Variants in USP44 observed in about 807,000 individuals in gnomAD.
The protein encoded by USP44 is ubiquitin carboxyl-terminal hydrolase 44.
USP44 carries 61 observed loss-of-function variants against 69.0 expected under a neutral mutation model. That is an observed-to-expected ratio of 0.88 (90% CI 0.72 to 1.09). USP44 has a LOEUF of 1.09. Ranked by LOEUF, USP44 falls within the 50% of genes least tolerant of loss-of-function variation. USP44 has a pLI of 0.00. For missense variants in USP44, 753 were observed against 849.9 expected (o/e 0.89, Z 1.42); for synonymous variants, 297 against 295.4 (o/e 1.01, Z -0.06).
At chr12:95,541,152 G>A (rs2077376654) in intron 1 of USP44, among the ~76,000 whole-genome samples, 1 of 152,194 alleles carries the variant, frequency 6.6e-6, no homozygotes, top group South Asian at 2.1e-4. Context: ...GGTGGCAGGT[G>A]CCTGTAATCC....
intron 3 of USP44, 114 bp downstream of exon 3, chr12:95,528,693 A>C: frequency 9.3e-7 from 1 of 1,075,056 alleles, no homozygotes; most frequent in Non-Finnish European, 1.3e-6. Context: ...TCTTTTGATG[A>C]ACTGAAAAAA....
chr12:95,536,030 T>C (rs112115235), intron 1 of USP44, among the ~76,000 whole-genome samples: 13,128 of 127,574 alleles, frequency 0.1, 799 homozygotes, highest in African/African-American at 0.17. Flanking sequence ...CTTTCTTTCC[T>C]TTTTTTTCCT....
At chr12:95,542,838 C>T (rs1383545944) in intron 1 of USP44, among the ~76,000 whole-genome samples, 1 of 151,960 alleles carries the variant, frequency 6.6e-6, no homozygotes, top group Non-Finnish European at 1.5e-5. Flanking sequence ...CCTGTAATCC[C>T]AGCACTTTGG....
In USP44 at chr12:95,517,176, A is replaced by AAATC; in HGVS notation, c.*974_*977dup. On this transcript the variant is annotated 3_prime_UTR_variant, in exon 6 of 6. Coordinates refer to ENST00000258499, the MANE Select transcript of USP44 (RefSeq NM_032147.5). ...GTAGTCACATAATCCTAGCAAGAGT[A>AAATC]AATCAAGCTTTAGTTATTTAGAATG... 6.6e-6 allele frequency: 1 copy of AAATC among 151,878 alleles called. No individual in the cohort carries two copies. Among genetic ancestry groups the AAATC allele is most frequent in the East Asian group, 1.9e-4 (1 of 5,174 alleles). The allele number at this position is 151,878 out of a possible 1,614,324, so 9.4% of individuals were successfully genotyped here.
At chr12:95,526,276 T>TA (rs1373685203) in intron 3 of USP44, among the ~76,000 whole-genome samples, 23 of 152,272 alleles carry the variant, frequency 1.5e-4, no homozygotes, top group African/African-American at 4.1e-4. Flanking sequence ...ATTTATTTTT[T>TA]AAAAAAACCT....
intron 1 of USP44, among the ~76,000 whole-genome samples, chr12:95,550,327 TGTA>T (rs2077703343): frequency 1.3e-5 from 2 of 152,060 alleles, no homozygotes; most frequent in Admixed American, 6.6e-5. Context: ...CTGCATAAAA[TGTA>T]GTCATGCAAA....
chr12:95,522,831 A>G (rs530587128), intron 4 of USP44, among the ~76,000 whole-genome samples: 51 of 150,920 alleles, frequency 3.4e-4, no homozygotes, highest in Non-Finnish European at 6.3e-4. Context: ...TGAGACAACT[A>G]GTGGCTGGCA....
chr12:95,533,082 A>G lies in USP44; in HGVS notation c.1175T>C (p.Met392Thr). ...GACCAACGCCCACTTTCCAGACCACATGACTTGGAACAAAGTATGCAATTC... is the reference window on the plus strand; with the variant it reads ...GACCAACGCCCACTTTCCAGACCACGTGACTTGGAACAAAGTATGCAATTC... ...CHELHTLFQV[M>T]WSGKWALVSP... The change falls in exon 2 of 6, where the codon ATG becomes ACG. Residue 392 changes from methionine (M) to threonine (T), a missense_variant. By Grantham distance (81) the Met-to-Thr change is moderately conservative. Coordinates refer to ENST00000258499, the MANE Select transcript of USP44 (RefSeq NM_032147.5). The G allele has an allele frequency of 6.2e-7, 1 of 1,614,234 alleles. No homozygotes were observed. Among genetic ancestry groups the G allele is most frequent in the Non-Finnish European group, 8.5e-7 (1 of 1,180,038 alleles).
At chr12:95,540,518 T>G (rs1344268306) in intron 1 of USP44, among the ~76,000 whole-genome samples, 2 of 152,062 alleles carry the variant, frequency 1.3e-5, no homozygotes, top group Non-Finnish European at 2.9e-5. Flanking sequence ...AATTTTGTAT[T>G]TTTAGTACAG....
At chr12:95,547,895 G>C (rs1378136504) in intron 1 of USP44, 2 of 152,174 alleles carry the variant, frequency 1.3e-5, no homozygotes, top group Non-Finnish European at 2.9e-5. Flanking sequence ...GCTACCAGTA[G>C]AATTTAACAA....
intron 4 of USP44, chr12:95,521,982 G>A: frequency 1.1e-6 from 1 of 943,444 alleles, no homozygotes; most frequent in Non-Finnish European, 1.3e-6. Context: ...GTGTAAGTCA[G>A]CACAACCGCC....
At chr12:95,522,124 G>T in intron 4 of USP44, 1 of 985,072 alleles carries the variant, frequency 1.0e-6, no homozygotes, top group Non-Finnish European at 1.2e-6. Context: ...GGTGCTACGA[G>T]GGGAAAATAA....
intron 2 of USP44, among the ~76,000 whole-genome samples, chr12:95,530,302 C>A (rs945589420): frequency 1.3e-4 from 19 of 151,872 alleles, no homozygotes; most frequent in African/African-American, 3.1e-4. Flanking sequence ...ACAAAAAAAA[C>A]AAAAACAAAA....
At position 95,517,953 on chromosome 12, in the gene USP44, T is replaced by A. The variant is rs1325720962; in HGVS notation, c.*201A>T. 4.1e-6 allele frequency: 2 copies of A among 488,506 alleles called. No individual in the cohort carries two copies. The highest frequency in any genetic ancestry group is 7.4e-5 in the Admixed American group (2 of 27,164). The allele number at this position is 488,506 out of a possible 1,614,324, so 30.3% of individuals were successfully genotyped here. On this transcript the variant is annotated 3_prime_UTR_variant, in exon 6 of 6. Transcript: ENST00000258499. ...TCAGTCTGAGGTAAACACCAAAAGT[T>A]TAAAACTCCAAATATGAAAAAAGTA...
In USP44 at chr12:95,521,091, T is replaced by C. The variant is rs1420632692; in HGVS notation, c.1845A>G (p.Glu615=). The change falls in exon 5 of 6, where the codon GAA becomes GAG. Residue 615 remains glutamate (E), a synonymous_variant. Transcript: ENST00000258499. ...CCGCGGACAAGTCATAGATAAAGCATTCTGGTCTGAGGGATTTCAGGGTCT... is the reference window on the plus strand; with the variant it reads ...CCGCGGACAAGTCATAGATAAAGCACTCTGGTCTGAGGGATTTCAGGGTCT... ...CRETLKSLRP[E]CFIYDLSAVV... is the part of the protein sequence containing the mutation. 7 of 1,614,202 alleles carry C rather than the reference T, an allele frequency of 4.3e-6. No individual in the cohort carries two copies. The Admixed American group carries it at 6.7e-5, about 15-fold the overall frequency.
chr12:95,520,157 G>A (rs554639314), intron 5 of USP44, among the ~76,000 whole-genome samples: 3 of 151,296 alleles, frequency 2.0e-5, no homozygotes, highest in East Asian at 1.9e-4. Context: ...GGGTGGGGGT[G>A]GGGAGTTGGA....
chr12:95,543,986 AAAAG>A (rs2077485522), intron 1 of USP44, among the ~76,000 whole-genome samples: 4 of 146,424 alleles, frequency 2.7e-5, no homozygotes, highest in Non-Finnish European at 4.5e-5. Flanking sequence ...AAAAAAAAAA[AAAAG>A]AAAAAAACCC....
rs2076530762 is a variant in USP44, at chr12:95,518,074, A to T, written c.*80T>A. The T allele has an allele frequency of 6.7e-7, 1 of 1,491,326 alleles. No individual in the cohort carries two copies. 92.4% of individuals were successfully genotyped at this position (1,491,326 alleles called of 1,614,324 possible). A position where few individuals can be genotyped will look rare whatever the true frequency, so the allele number is the denominator to read the frequency against. On this transcript the variant is annotated 3_prime_UTR_variant, in exon 6 of 6. Coordinates refer to ENST00000258499, the MANE Select transcript of USP44 (RefSeq NM_032147.5). ...GTAGTATACACTGATTCACAAGAAA[A>T]AATGAAGTTTAAAATGGTACATCAG...
intron 1 of USP44, among the ~76,000 whole-genome samples, chr12:95,536,940 A>G (rs2077225063): frequency 6.6e-6 from 1 of 152,208 alleles, no homozygotes; most frequent in Non-Finnish European, 1.5e-5. Context: ...TACTTGCCCT[A>G]ATCATCCCCA....
Sources: gnomAD v4.1 joint callset for allele counts (sites outside exome capture counted in the v4.1 genomes callset) on GRCh38, gnomAD v4.1.1 for gene constraint, MANE v1.5 for transcripts, NCBI Gene and HGNC (gene_info 2026-07-23, HGNC 2026-07-21) for gene names.